The following SPATA13 variants were observed in gnomAD, a reference collection of about 807,000 sequenced individuals.
The protein encoded by SPATA13 is spermatogenesis associated 13.
In SPATA13, 50 loss-of-function variants were observed where a neutral mutation model predicts 104.0. The observed-to-expected ratio is 0.48, with a 90% CI of 0.38 to 0.61. The LOEUF (loss-of-function observed/expected upper bound fraction) is 0.61, where lower values mean the gene tolerates loss of function less well. SPATA13 is among the 20% of genes least tolerant of loss of function. The pLI, the probability that SPATA13 is intolerant of heterozygous loss-of-function variation, is 0.00. For missense variants in SPATA13, 1,524 were observed against 1,690.6 expected, an observed-to-expected ratio of 0.90 and a Z score of 1.73; for synonymous variants, 606 against 667.5, an observed-to-expected ratio of 0.91 and a Z score of 1.42.
intron 4 of SPATA13, among the ~76,000 whole-genome samples, chr13:24,271,183 T>A (rs555735145): frequency 6.6e-6 from 1 of 152,108 alleles, no homozygotes; most frequent in Non-Finnish European, 1.5e-5. Flanking sequence ...TGGTTTTGTT[T>A]ATGGCACAGT....
chr13:24,157,672 A>G (rs182953831), upstream of SPATA13, among the ~76,000 whole-genome samples: 1 of 152,266 alleles, frequency 6.6e-6, no homozygotes, highest in Admixed American at 6.5e-5. Context: ...CCTCAAAGAA[A>G]AAAAACTGAA....
At chr13:24,287,066 C>T in intron 7 of SPATA13, 116 bp downstream of exon 7, 1 of 815,950 alleles carries the variant, frequency 1.2e-6, no homozygotes, top group Non-Finnish European at 1.9e-6. Flanking sequence ...CATGTATGCT[C>T]ATTTCTCCGC....
chr13:24,034,115 C>G (rs1377251217), intron 3 of SPATA13: 3 of 152,048 alleles, frequency 2.0e-5, no homozygotes, highest in Non-Finnish European at 4.4e-5. Flanking sequence ...ATCATGAGAC[C>G]GTCGACATTT....
intron 3 of SPATA13, among the ~76,000 whole-genome samples, chr13:24,128,816 C>T (rs1476362161): frequency 2.6e-5 from 4 of 151,578 alleles, no homozygotes; most frequent in East Asian, 1.9e-4. Flanking sequence ...GTAGAATAAT[C>T]GCATTGTGCT....
chr13:24,114,930 G>A (rs1880785227), intron 3 of SPATA13, among the ~76,000 whole-genome samples: 1 of 152,176 alleles, frequency 6.6e-6, no homozygotes, highest in South Asian at 2.1e-4. Flanking sequence ...CCAAAGTGCC[G>A]GGATTACAGG....
intron 3 of SPATA13, among the ~76,000 whole-genome samples, chr13:24,018,485 C>T (rs970271598): frequency 4.6e-5 from 7 of 152,122 alleles, no homozygotes; most frequent in East Asian, 1.9e-4. Context: ...TAAAGTGGAA[C>T]GCAGCTTCTG....
rs116952894 is a variant in SPATA13 at position 24,031,684 on chromosome 13, A to T, written c.-112+13983A>T. Among the ~76,000 whole-genome samples the T allele has an allele frequency of 2.0e-3, 300 of 152,340 alleles. 1 individual carries two copies. The highest frequency in any genetic ancestry group is 3.6e-3 in the Non-Finnish European group (245 of 68,018). On this transcript the variant is annotated intron_variant, in intron 3 of 14. Transcript: ENST00000424834. ...TAGATGCAAAAATAGCTAAGACCTC[A>T]TATGACCTGCCCTTGGGGAATTTAT... is the stretch of plus-strand genomic sequence containing the variant.
chr13:24,001,673 G>T (rs1875977729), intron 2 of SPATA13, among the ~76,000 whole-genome samples: 1 of 152,096 alleles, frequency 6.6e-6, no homozygotes, highest in Non-Finnish European at 1.5e-5. Context: ...AGCAGGAGGG[G>T]TGAGGAGTTT....
chr13:24,219,044 C>T (rs1372899014), intron 1 of SPATA13, among the ~76,000 whole-genome samples: 2 of 149,562 alleles, frequency 1.3e-5, no homozygotes, highest in East Asian at 2.0e-4. Flanking sequence ...AGTTCATACA[C>T]CCTAGAATCC....
chr13:24,160,953 C>A, intron 1 of SPATA13, 21 bp downstream of exon 1: 4 of 985,390 alleles, frequency 4.1e-6, no homozygotes, highest in Non-Finnish European at 4.8e-6. Context: ...TTCGGGCGCG[C>A]GGCTCTGCCG....
intron 3 of SPATA13, among the ~76,000 whole-genome samples, chr13:24,019,278 CG>C (rs1327884129): frequency 2.0e-5 from 3 of 151,506 alleles, no homozygotes; most frequent in African/African-American, 7.3e-5. Flanking sequence ...TTAGTAGAGA[CG>C]GGGTTTCACC....
intron 1 of SPATA13, among the ~76,000 whole-genome samples, chr13:23,981,315 G>A (rs960468824): frequency 6.6e-6 from 1 of 152,090 alleles, no homozygotes; most frequent in Non-Finnish European, 1.5e-5. Flanking sequence ...TTTTAGAGCA[G>A]TTTTTTTGTA....
At chr13:24,071,085 C>T (rs1205722321) in intron 3 of SPATA13, among the ~76,000 whole-genome samples, 1 of 152,108 alleles carries the variant, frequency 6.6e-6, no homozygotes, top group East Asian at 1.9e-4. Flanking sequence ...ACTCATGGTT[C>T]AGGGAGGACT....
intron 2 of SPATA13, among the ~76,000 whole-genome samples, chr13:24,226,193 C>T (rs1468942069): frequency 6.6e-6 from 1 of 152,196 alleles, no homozygotes; most frequent in South Asian, 2.1e-4. Context: ...TGACTTCACA[C>T]GAAATTGGCA....
At chr13:24,034,199 G>T (rs1372122245) in intron 3 of SPATA13, 1 of 152,224 alleles carries the variant, frequency 6.6e-6, no homozygotes, top group Non-Finnish European at 1.5e-5. Context: ...TCTTGGGCAA[G>T]AAGGGAACTC....
At chr13:24,270,913 G>A (rs758800421) in intron 4 of SPATA13, 2 of 1,604,294 alleles carry the variant, frequency 1.2e-6, no homozygotes, top group South Asian at 1.1e-5. Context: ...CTTCACTTGG[G>A]TATGTGTGCA....
intron 2 of SPATA13, among the ~76,000 whole-genome samples, chr13:24,233,981 G>A (rs1248611804): frequency 6.6e-6 from 1 of 151,850 alleles, no homozygotes; most frequent in Admixed American, 6.6e-5. Context: ...TCGTATACCT[G>A]TAGTTTTGAA....
chr13:24,079,847 T>C (rs2137776275), intron 3 of SPATA13, among the ~76,000 whole-genome samples: 1 of 152,284 alleles, frequency 6.6e-6, no homozygotes, highest in Middle Eastern at 3.4e-3. Context: ...TGGGCCTTAC[T>C]TGACTCTCCC....
intron 2 of SPATA13, among the ~76,000 whole-genome samples, chr13:23,989,562 C>T (rs1005302649): frequency 3.3e-5 from 5 of 152,158 alleles, no homozygotes; most frequent in Non-Finnish European, 7.3e-5. Context: ...TAACTGCATA[C>T]TGGAAAACTC....
Sources: allele counts gnomAD v4.1 joint callset (sites outside exome capture counted in the v4.1 genomes callset), GRCh38; gene constraint gnomAD v4.1.1; transcripts MANE v1.5; gene names NCBI Gene and HGNC (gene_info 2026-07-23, HGNC 2026-07-21).